Variants in NDUFS6 observed in about 807,000 individuals in gnomAD.
The protein encoded by NDUFS6 is NADH:ubiquinone oxidoreductase subunit S6, also known as NADH dehydrogenase [ubiquinone] iron-sulfur protein 6, mitochondrial.
A neutral mutation model predicts 13.2 loss-of-function variants in NDUFS6; 14 were observed. The ratio of observed to expected loss-of-function variants is 1.06; its 90% CI spans 0.70 to 1.66. The LOEUF (loss-of-function observed/expected upper bound fraction) is 1.66. Among genes scored for constraint, NDUFS6 ranks in the 40% most tolerant of loss-of-function variants. The pLI is 0.00. For missense variants in NDUFS6, 206 were observed against 170.8 expected (o/e 1.21, Z -1.15); for synonymous variants, 95 against 72.3 (o/e 1.31, Z -1.60).
At chr5:1,802,169 C>G in intron 1 of NDUFS6, 152 bp from the exon 2 acceptor site, 1 of 677,950 alleles carries the variant, frequency 1.5e-6, no homozygotes. Context: ...AAAAATGCCC[C>G]TGATTACACC....
At position 1,814,409 on chromosome 5, in the gene NDUFS6, C is replaced by T. The variant is rs192286856; in HGVS notation, c.257C>T (p.Ala86Val). 177 of 1,614,120 alleles carry T rather than the reference C, an allele frequency of 1.1e-4. 2 individuals carry two copies. The highest frequency in any genetic ancestry group is 4.5e-4 in the African/African-American group (34 of 75,004). ...PVSEVETRVI[A>V]CDGGGGALGH... ...AGCGAGGTGGAGACTCGGGTGATAGCGTGCGATGGCGGCGGGGGAGCTCTT... is the reference window on the plus strand; with the variant it reads ...AGCGAGGTGGAGACTCGGGTGATAGTGTGCGATGGCGGCGGGGGAGCTCTT... The change falls in exon 3 of 4, where the codon GCG becomes GTG. Residue 86 changes from alanine to valine, a missense_variant. Ala to Val is a moderately conservative substitution (Grantham distance 64, BLOSUM62 0). Transcript: ENST00000274137. The surrounding 1 kb of genome is among the most constrained non-coding windows in gnomAD (Gnocchi z 4.9).
intron 2 of NDUFS6, among the ~76,000 whole-genome samples, chr5:1,804,605 C>T (rs947874584): frequency 6.6e-6 from 1 of 152,220 alleles, no homozygotes; most frequent in Admixed American, 6.5e-5. Flanking sequence ...GGCATCCTGC[C>T]CAAGCTTTCC....
rs556405335 is a variant in NDUFS6 at position 1,801,534 on chromosome 5, C to G, written c.117C>G (p.Val39=). ...GVRVSPTGEK[V]THTGQVYDDK... Reference sequence around the variant, plus strand: ...GGGTCTCGCCGACCGGGGAGAAGGTCACGCACACTGGCCAGGTAACGGCCG... The same window carrying G: ...GGGTCTCGCCGACCGGGGAGAAGGTGACGCACACTGGCCAGGTAACGGCCG... The change falls in exon 1 of 4, where the codon GTC becomes GTG. Residue 39 remains valine, a synonymous_variant. Coordinates refer to ENST00000274137, the MANE Select transcript of NDUFS6 (RefSeq NM_004553.6). The G allele has an allele frequency of 1.1e-5, 17 of 1,591,362 alleles. No homozygotes were observed. In the African/African-American group the frequency reaches 1.6e-4, roughly 15 times the overall value.
rs1028250163 is a variant in NDUFS6, at chr5:1,816,019, C to G, written c.*103C>G. 3.2e-6 allele frequency: 4 copies of G among 1,261,976 alleles called. No homozygotes were observed. The highest frequency in any genetic ancestry group is 4.7e-6 in the Non-Finnish European group (4 of 858,924). The allele number at this position is 1,261,976 out of a possible 1,614,324, so 78.2% of individuals were successfully genotyped here. ...TTCTGTGCGAAGGGTATTCCTGGTGCTGAATAAAGGGTGTTGCTGTCAAGG... is the reference window on the plus strand; with the variant it reads ...TTCTGTGCGAAGGGTATTCCTGGTGGTGAATAAAGGGTGTTGCTGTCAAGG... On this transcript the variant is annotated 3_prime_UTR_variant, in exon 4 of 4. Transcript: ENST00000274137.
intron 3 of NDUFS6, among the ~76,000 whole-genome samples, chr5:1,815,268 C>T (rs547258224): frequency 6.6e-6 from 1 of 151,900 alleles, no homozygotes; most frequent in African/African-American, 2.4e-5. Flanking sequence ...CGGCTGCTGA[C>T]CTGGGGTGCA....
chr5:1,815,882 A>C lies in NDUFS6; in HGVS notation c.341A>C (p.Tyr114Ser), dbSNP rs747939773. The change falls in exon 4 of 4, where the codon TAC (tyrosine) becomes TCC (serine). Residue 114 changes from tyrosine (Y) to serine (S), a missense_variant. Transcript: ENST00000274137. ...DKETKTGTCG[Y>S]CGLQFRQHHH is the part of the protein sequence containing the mutation. Reference sequence around the variant, plus strand: ...GAAACAAAAACCGGCACATGCGGTTACTGTGGGCTCCAGTTCAGACAGCAC... The same window carrying C: ...GAAACAAAAACCGGCACATGCGGTTCCTGTGGGCTCCAGTTCAGACAGCAC... The C allele has an allele frequency of 2.5e-6, 4 of 1,614,268 alleles. No individual in the cohort carries two copies. The highest frequency in any genetic ancestry group is 3.4e-6 in the Non-Finnish European group (4 of 1,180,048).
At position 1,814,065 on chromosome 5, in the gene NDUFS6, G is replaced by A. The variant is rs1013623767; in HGVS notation, c.187-274G>A. ...GGGCGTGGCAGAGCCCACGGGGCAC[G>A]TGTCAGCATTTGCTGGGTCCACGGG... is the stretch of plus-strand genomic sequence containing the variant. On this transcript the variant is annotated intron_variant, in intron 2 of 3. Transcript: ENST00000274137. This position sits in a 1 kb window ranked among gnomAD's most constrained non-coding sequence, Gnocchi z 4.9. Among the ~76,000 whole-genome samples, 5 of 152,350 alleles carry A rather than the reference G, an allele frequency of 3.3e-5. No homozygotes were observed. The highest frequency in any genetic ancestry group is 2.1e-4 in the South Asian group (1 of 4,832).
chr5:1,814,765 A>G lies in NDUFS6; in HGVS notation c.309+304A>G. ...GGTCATCATCTCAGCTCAGGCTGCCACACACAGCACCGCAGGCTGGGGTCG... is the reference window on the plus strand; with the variant it reads ...GGTCATCATCTCAGCTCAGGCTGCCGCACACAGCACCGCAGGCTGGGGTCG... On this transcript the variant is annotated intron_variant, in intron 3 of 3. Transcript: ENST00000274137. The surrounding 1 kb of genome is among the most constrained non-coding windows in gnomAD (Gnocchi z 4.9). The G allele has an allele frequency of 1.2e-5, 8 of 690,020 alleles. No homozygotes were observed. The South Asian group carries it at 1.2e-4, about 10-fold the overall frequency. The allele number at this position is 690,020 out of a possible 1,614,324, so 42.7% of individuals were successfully genotyped here.
intron 2 of NDUFS6, among the ~76,000 whole-genome samples, chr5:1,805,323 C>CT (rs1181015377): frequency 1.3e-5 from 2 of 152,180 alleles, no homozygotes; most frequent in African/African-American, 2.4e-5. Context: ...GAGCAAGACT[C>CT]TATCTCCAGA....
chr5:1,805,940 G>A (rs1256605939), intron 2 of NDUFS6, among the ~76,000 whole-genome samples: 2 of 152,218 alleles, frequency 1.3e-5, no homozygotes, highest in Non-Finnish European at 2.9e-5. Flanking sequence ...GACTTAGCTT[G>A]TAGGCTCGTG....
At position 1,806,251 on chromosome 5, in the gene NDUFS6, G is replaced by A. The variant is rs546672858; in HGVS notation, c.186+3877G>A. Among the ~76,000 whole-genome samples, 85 of 152,326 alleles carry A rather than the reference G, an allele frequency of 5.6e-4. 3 individuals are homozygous for A. The Middle Eastern group carries it at 0.014, about 24-fold the overall frequency. On this transcript the variant is annotated intron_variant, in intron 2 of 3. Coordinates refer to ENST00000274137, the MANE Select transcript of NDUFS6 (RefSeq NM_004553.6). Reference sequence around the variant, plus strand: ...TGTGTGTCAGGATCACGGAACAGCTGGGGGCTTCAGCTTGTGCCTTCATCT... The same window carrying A: ...TGTGTGTCAGGATCACGGAACAGCTAGGGGCTTCAGCTTGTGCCTTCATCT...
intron 1 of NDUFS6, 113 bp downstream of exon 1, chr5:1,801,662 G>A: frequency 6.9e-7 from 1 of 1,449,270 alleles, no homozygotes; most frequent in South Asian, 1.3e-5. Context: ...AGCGCAGGTC[G>A]TGGTAAGGTT....
chr5:1,804,265 C>T (rs552324555), intron 2 of NDUFS6, among the ~76,000 whole-genome samples: 2 of 152,344 alleles, frequency 1.3e-5, no homozygotes, highest in East Asian at 1.9e-4. Context: ...CTTGTAGTGA[C>T]GAAGCAAGTA....
chr5:1,812,847 G>A (rs1174236581), intron 2 of NDUFS6, among the ~76,000 whole-genome samples: 3 of 151,922 alleles, frequency 2.0e-5, no homozygotes, highest in African/African-American at 4.8e-5. Flanking sequence ...AAGGTCAGGA[G>A]TTCGAGACCA....
In NDUFS6 at chr5:1,806,358, G is replaced by A. The variant is rs374509279; in HGVS notation, c.186+3984G>A. Among the ~76,000 whole-genome samples, 17 of 152,278 alleles carry A rather than the reference G, an allele frequency of 1.1e-4. No individual in the cohort carries two copies. The East Asian group carries it at 2.3e-3, about 21-fold the overall frequency. On this transcript the variant is annotated intron_variant, in intron 2 of 3. Transcript: ENST00000274137. ...TGACCCGCACAGCCCACAGCTGGGC[G>A]TTTGGGTCAGCGAGATTCTGCACGT... is the stretch of plus-strand genomic sequence containing the variant.
At chr5:1,811,527 C>T (rs1302343815) in intron 2 of NDUFS6, among the ~76,000 whole-genome samples, 2 of 152,216 alleles carry the variant, frequency 1.3e-5, no homozygotes, top group African/African-American at 4.8e-5. Flanking sequence ...TTCCTACATG[C>T]AGCTGTTGGT....
At position 1,814,375 on chromosome 5, in the gene NDUFS6, C is replaced by T; in HGVS notation, c.223C>T (p.Gln75Ter). The change falls in exon 3 of 4, where the codon CAG becomes TAG. Residue 75 changes from glutamine (Q) to a stop codon, truncating the protein, a stop_gained. Transcript: ENST00000274137. LOFTEE classifies it high-confidence loss of function. The surrounding 1 kb of genome is among the most constrained non-coding windows in gnomAD (Gnocchi z 4.9). Reference sequence around the variant, plus strand: ...CTTTGCCATTGATTTGATAGCAGAGCAGCCCGTGAGCGAGGTGGAGACTCG... The same window carrying T: ...CTTTGCCATTGATTTGATAGCAGAGTAGCCCGTGAGCGAGGTGGAGACTCG... ...ENFAIDLIAE[Q>*]PVSEVETRVI... is the part of the protein sequence containing the mutation. The T allele has an allele frequency of 1.9e-6, 3 of 1,614,212 alleles. No individual in the cohort carries two copies. Among genetic ancestry groups the T allele is most frequent in the Non-Finnish European group, 2.5e-6 (3 of 1,180,032 alleles).
chr5:1,809,237 G>C (rs779360316), intron 2 of NDUFS6, among the ~76,000 whole-genome samples: 9 of 152,206 alleles, frequency 5.9e-5, no homozygotes. Context: ...ATGATGTGCC[G>C]TGTGCTTAAC....
At chr5:1,815,721 C>T (rs936471973) in intron 3 of NDUFS6, 130 bp from the exon 4 acceptor site, 2 of 959,748 alleles carry the variant, frequency 2.1e-6, no homozygotes, top group African/African-American at 1.6e-5. Flanking sequence ...AGTCTGCATT[C>T]TTACTTCAGT....
Sources: gnomAD v4.1 joint callset for allele counts (sites outside exome capture counted in the v4.1 genomes callset) on GRCh38, gnomAD v4.1.1 for gene constraint, Gnocchi (gnomAD v3.1) non-coding constraint, MANE v1.5 for transcripts, NCBI Gene and HGNC (gene_info 2026-07-23, HGNC 2026-07-21) for gene names.